TLR5: variants seen among roughly 807,000 people sequenced by gnomAD.
TLR5 encodes the protein toll like receptor 5, also known as toll-like receptor 5.
For synonymous variants in TLR5, 373 were observed against 384.4 expected, an observed-to-expected ratio of 0.97 and a Z score of 0.35; for missense variants, 944 against 999.8, an observed-to-expected ratio of 0.94 and a Z score of 0.75.
intron 5 of TLR5, among the ~76,000 whole-genome samples, chr1:223,113,864 A>G (rs142207867): frequency 3.0e-4 from 46 of 152,324 alleles, no homozygotes; most frequent in African/African-American, 1.1e-3. Flanking sequence ...AAGAGACACA[A>G]TGTTGCTTCA....
At chr1:223,126,712 G>A (rs1657180575) in intron 5 of TLR5, 1 of 152,180 alleles carries the variant, frequency 6.6e-6, no homozygotes. Flanking sequence ...CAGAAACCAA[G>A]TGATTCTCTT....
intron 5 of TLR5, among the ~76,000 whole-genome samples, chr1:223,122,016 T>G (rs1400396918): frequency 1.3e-5 from 2 of 152,142 alleles, no homozygotes; most frequent in African/African-American, 2.4e-5. Flanking sequence ...GAAGAATTAT[T>G]GAAAGAAAAT....
Position 223,135,835 on chromosome 1 carries a change from T to C in TLR5, c.-352-971A>G, listed in dbSNP as rs549028265. Among the ~76,000 whole-genome samples the C allele has an allele frequency of 7.9e-5, 12 of 152,320 alleles. No homozygotes were observed. The South Asian group carries it at 2.5e-3, about 32-fold the overall frequency. ...AAATGGAACCACATATATCCTAGCT[T>C]TAAATAGCAACTTTTTCCCCCCTCA... On this transcript the variant is annotated intron_variant, in intron 3 of 5. Coordinates refer to ENST00000642603, the MANE Select transcript of TLR5 (RefSeq NM_003268.6).
At chr1:223,121,119 A>G (rs192061587) in intron 5 of TLR5, among the ~76,000 whole-genome samples, 1 of 152,284 alleles carries the variant, frequency 6.6e-6, no homozygotes, top group East Asian at 1.9e-4. Context: ...GTTGAATATT[A>G]TTTTACTTCT....
chr1:223,122,422 T>A (rs1423740588), intron 5 of TLR5, among the ~76,000 whole-genome samples: 1 of 152,166 alleles, frequency 6.6e-6, no homozygotes, highest in East Asian at 1.9e-4. Flanking sequence ...GTAGGAAGCA[T>A]GAGCCCTTAC....
chr1:223,130,982 T>C (rs1657375694), intron 5 of TLR5, among the ~76,000 whole-genome samples: 1 of 152,146 alleles, frequency 6.6e-6, no homozygotes. Flanking sequence ...TCAGGATGCC[T>C]CCAGCATCCA....
intron 5 of TLR5, chr1:223,127,791 G>A (rs1657230233): frequency 2.0e-5 from 3 of 152,198 alleles, no homozygotes; most frequent in African/African-American, 7.2e-5. Flanking sequence ...AGAGTTACTC[G>A]TCCTAGGCCT....
intron 5 of TLR5, 34 bp from the exon 6 acceptor site, chr1:223,113,069 A>C: frequency 6.2e-7 from 1 of 1,608,932 alleles, no homozygotes; most frequent in Non-Finnish European, 8.5e-7. Context: ...AAACACAGGC[A>C]TTTAAGCTCG....
At chr1:223,136,404 TGATTTCTA>T (rs1324014808) in intron 3 of TLR5, among the ~76,000 whole-genome samples, 1 of 152,068 alleles carries the variant, frequency 6.6e-6, no homozygotes, top group African/African-American at 2.4e-5. Flanking sequence ...CAACCTGGGG[TGATTTCTA>T]TGGTTGCTGG....
intron 5 of TLR5, chr1:223,126,957 A>C (rs1657191931): frequency 6.6e-6 from 1 of 152,208 alleles, no homozygotes; most frequent in Non-Finnish European, 1.5e-5. Flanking sequence ...CCCAGCCATT[A>C]GCTGGGTTGG....
At chr1:223,138,213 T>C (rs754247918) in intron 2 of TLR5, among the ~76,000 whole-genome samples, 1 of 151,994 alleles carries the variant, frequency 6.6e-6, no homozygotes, top group Non-Finnish European at 1.5e-5. Flanking sequence ...TCCTCCTACC[T>C]TGGCCTCCCA....
intron 5 of TLR5, among the ~76,000 whole-genome samples, chr1:223,130,189 AG>A (rs1207305382): frequency 1.3e-5 from 2 of 152,194 alleles, no homozygotes; most frequent in Non-Finnish European, 2.9e-5. Context: ...GCTGACATAC[AG>A]GGATCCCCGC....
chr1:223,130,124 C>T (rs995477689), intron 5 of TLR5, among the ~76,000 whole-genome samples: 3 of 152,140 alleles, frequency 2.0e-5, no homozygotes, highest in African/African-American at 7.2e-5. Flanking sequence ...AAAGGGTAAC[C>T]CTGTCAGGAT....
intron 1 of TLR5, among the ~76,000 whole-genome samples, chr1:223,142,462 G>A (rs5744108): frequency 9.1e-4 from 138 of 152,216 alleles, no homozygotes; most frequent in African/African-American, 3.1e-3. Context: ...ACCCAACAGG[G>A]CCTCAGCGCC....
chr1:223,114,992 A>C (rs138251217), intron 5 of TLR5, among the ~76,000 whole-genome samples: 86 of 152,222 alleles, frequency 5.6e-4, no homozygotes, highest in African/African-American at 2.0e-3. Context: ...GAGACTCCTC[A>C]CTGGCTCTCT....
At chr1:223,115,240 C>T (rs780487741) in intron 5 of TLR5, among the ~76,000 whole-genome samples, 49 of 152,146 alleles carry the variant, frequency 3.2e-4, no homozygotes, top group Non-Finnish European at 6.9e-4. Flanking sequence ...CATTATGTGT[C>T]AGGCACTGTT....
chr1:223,136,258 TTGCTAGGCAAGACAGGCACAAGAG>T (rs980302770), intron 3 of TLR5, among the ~76,000 whole-genome samples: 2 of 152,164 alleles, frequency 1.3e-5, no homozygotes, highest in Non-Finnish European at 2.9e-5. Context: ...CAGTGAGGAC[TTGCTAGGCAAGACAGGCACAAGAG>T]TGCCTTCAGT....
chr1:223,136,342 C>T (rs1285004754), intron 3 of TLR5, among the ~76,000 whole-genome samples: 1 of 152,130 alleles, frequency 6.6e-6, no homozygotes, highest in Non-Finnish European at 1.5e-5. Context: ...TGCACCCGAG[C>T]CCCTGGGATC....
At chr1:223,139,766 C>G (rs868416306) in intron 2 of TLR5, among the ~76,000 whole-genome samples, 26 of 152,208 alleles carry the variant, frequency 1.7e-4, no homozygotes, top group African/African-American at 6.0e-4. Context: ...TGAGCACCAC[C>G]ACTGCATTAC....
Sources: gnomAD v4.1 joint callset for allele counts (sites outside exome capture counted in the v4.1 genomes callset) on GRCh38, gnomAD v4.1.1 for gene constraint, MANE v1.5 for transcripts, NCBI Gene and HGNC (gene_info 2026-07-23, HGNC 2026-07-21) for gene names.